Variants in HDGFL3 observed in about 807,000 individuals in gnomAD.
HDGFL3 encodes hepatoma-derived growth factor-related protein 3.
In HDGFL3, 6 loss-of-function variants were observed where a neutral mutation model predicts 27.6. The observed-to-expected ratio is 0.22, with a 90% CI of 0.12 to 0.43. The LOEUF (loss-of-function observed/expected upper bound fraction) is 0.43, where lower values mean the gene tolerates loss of function less well. Ranked by LOEUF, HDGFL3 falls within the 20% of genes least tolerant of loss-of-function variation. HDGFL3 has a pLI of 1.00. For missense variants in HDGFL3, 207 were observed against 250.1 expected (o/e 0.83, Z 1.16); for synonymous variants, 88 against 88.9 (o/e 0.99, Z 0.05).
At chr15:83,202,070 T>A (rs913676911) in intron 1 of HDGFL3, among the ~76,000 whole-genome samples, 1 of 152,154 alleles carries the variant, frequency 6.6e-6, no homozygotes, top group East Asian at 1.9e-4. Context: ...ACCTTCTTAG[T>A]AGATCATTGT....
At chr15:83,185,750 C>G (rs575587678) in intron 1 of HDGFL3, among the ~76,000 whole-genome samples, 1 of 152,172 alleles carries the variant, frequency 6.6e-6, no homozygotes, top group Non-Finnish European at 1.5e-5. Flanking sequence ...GTGATCCCCA[C>G]TCTTGATATT....
chr15:83,143,713 C>G (rs985306465), intron 5 of HDGFL3, among the ~76,000 whole-genome samples: 1 of 152,136 alleles, frequency 6.6e-6, no homozygotes, highest in Non-Finnish European at 1.5e-5. Flanking sequence ...GAATAAGGAA[C>G]GCAGACTTAA....
chr15:83,154,432 G>A (rs1029140652), intron 4 of HDGFL3, among the ~76,000 whole-genome samples: 6 of 152,078 alleles, frequency 3.9e-5, no homozygotes, highest in African/African-American at 7.2e-5. Context: ...TGCTAGGCAA[G>A]CGGTTCTCTA....
intron 1 of HDGFL3, among the ~76,000 whole-genome samples, chr15:83,178,316 T>A (rs1596560652): frequency 6.6e-6 from 1 of 152,232 alleles, no homozygotes; most frequent in East Asian, 1.9e-4. Flanking sequence ...TTCTGTCTGA[T>A]CTTAAAAAGA....
intron 1 of HDGFL3, chr15:83,179,177 CT>C (rs2037350529): frequency 6.6e-6 from 1 of 152,338 alleles, no homozygotes; most frequent in Non-Finnish European, 1.5e-5. Flanking sequence ...CCCACTGCCC[CT>C]GGTGGGGCAT....
intron 4 of HDGFL3, among the ~76,000 whole-genome samples, chr15:83,151,643 A>C (rs1271249251): frequency 6.6e-6 from 1 of 152,208 alleles, no homozygotes; most frequent in Non-Finnish European, 1.5e-5. Context: ...AATGAAGATT[A>C]ATGTACCTAG....
downstream of HDGFL3, among the ~76,000 whole-genome samples, chr15:83,127,190 C>T (rs894078232): frequency 2.1e-5 from 3 of 145,874 alleles, no homozygotes; most frequent in African/African-American, 7.7e-5. Context: ...TGAGACTCCA[C>T]CTAAAAAAAT....
At chr15:83,113,975 A>G (rs1337876472) in exon 4 of HDGFL3, 1 of 152,236 alleles carries the variant, frequency 6.6e-6, no homozygotes, top group Non-Finnish European at 1.5e-5. Context: ...GTTTCTCCCA[A>G]TCCACATATA....
chr15:83,158,384 C>T (rs1213992763), intron 2 of HDGFL3, among the ~76,000 whole-genome samples: 1 of 152,114 alleles, frequency 6.6e-6, no homozygotes, highest in African/African-American at 2.4e-5. Flanking sequence ...TAAGATTTAT[C>T]TATGTTAATC....
chr15:83,150,622 T>C (rs2036951875), intron 5 of HDGFL3, among the ~76,000 whole-genome samples: 1 of 152,196 alleles, frequency 6.6e-6, no homozygotes, highest in African/African-American at 2.4e-5. Flanking sequence ...GAAAGACTCA[T>C]GGAAAATGCA....
downstream of HDGFL3, chr15:83,127,240 C>T (rs973493952): frequency 2.0e-6 from 2 of 1,011,756 alleles, no homozygotes; most frequent in Non-Finnish European, 2.7e-6. Flanking sequence ...AAAAGAGTCC[C>T]ATATAGGAAA....
chr15:83,183,747 G>T (rs912776382), intron 1 of HDGFL3, among the ~76,000 whole-genome samples: 1 of 147,040 alleles, frequency 6.8e-6, no homozygotes, highest in Non-Finnish European at 1.5e-5. Flanking sequence ...GACAGAGTGA[G>T]ACTCCATCTC....
intron 1 of HDGFL3, among the ~76,000 whole-genome samples, chr15:83,185,494 G>A (rs968424147): frequency 6.6e-6 from 1 of 152,202 alleles, no homozygotes; most frequent in African/African-American, 2.4e-5. Context: ...TTGTGGTAAA[G>A]AAGTTTTCCA....
At chr15:83,127,147 T>C (rs893963698), downstream of HDGFL3, among the ~76,000 whole-genome samples, 6 of 151,054 alleles carry the variant, frequency 4.0e-5, no homozygotes, top group Non-Finnish European at 7.4e-5. Context: ...TGAGCCGAGA[T>C]TGCGCCACTG....
intron 5 of HDGFL3, among the ~76,000 whole-genome samples, chr15:83,143,815 G>A (rs1277284155): frequency 6.6e-6 from 1 of 152,028 alleles, no homozygotes; most frequent in Non-Finnish European, 1.5e-5. Flanking sequence ...ATGGCCACAT[G>A]GTAAATCGTT....
At chr15:83,164,367 C>CAAAAAAAAAAAAAAAAAAAAAAAAAAA (rs869303457) in intron 1 of HDGFL3, among the ~76,000 whole-genome samples, 4 of 38,392 alleles carry the variant, frequency 1.0e-4, no homozygotes, top group Admixed American at 3.7e-4. Context: ...TTAGAGTAAC[C>CAAAAAAAAAAAAAAAAAAAAAAAAAAA]AAAAAAAAAA....
At chr15:83,141,261 C>T (rs1388476451) in intron 5 of HDGFL3, among the ~76,000 whole-genome samples, 1 of 151,982 alleles carries the variant, frequency 6.6e-6, no homozygotes, top group Non-Finnish European at 1.5e-5. Context: ...CTGAAGAATC[C>T]AATCGGATTC....
intron 5 of HDGFL3, among the ~76,000 whole-genome samples, chr15:83,141,196 G>A (rs1596542492): frequency 6.6e-6 from 1 of 152,274 alleles, no homozygotes; most frequent in East Asian, 1.9e-4. Context: ...TGAGTAAGTA[G>A]CCACAAGTGG....
chr15:83,151,252 C>T lies in HDGFL3; in HGVS notation c.569G>A (p.Arg190Lys). The change falls in exon 5 of 6, where the codon AGA (arginine) becomes AAA (lysine). Residue 190 changes from arginine (R) to lysine (K), a missense_variant. Arg to Lys is a conservative substitution (Grantham distance 26). Transcript: ENST00000299633. ...TTTCTGCAAGTCTGAAGTTGTGTTTCTTGTGTCGTTGCCCGCATCTCCACC... is the reference window on the plus strand; with the variant it reads ...TTTCTGCAAGTCTGAAGTTGTGTTTTTTGTGTCGTTGCCCGCATCTCCACC... ...SEGGDAGNDT[R>K]NTTSDLQKTS... 6.2e-7 allele frequency: 1 copy of T among 1,613,140 alleles called. No individual in the cohort carries two copies. The highest frequency in any genetic ancestry group is 8.5e-7 in the Non-Finnish European group (1 of 1,179,776).
Sources: gnomAD v4.1 joint callset for allele counts (sites outside exome capture counted in the v4.1 genomes callset) on GRCh38, gnomAD v4.1.1 for gene constraint, MANE v1.5 for transcripts, NCBI Gene and HGNC (gene_info 2026-07-23, HGNC 2026-07-21) for gene names.